The following PRKCE variants were observed in gnomAD, a reference collection of about 807,000 sequenced individuals.
PRKCE encodes protein kinase C epsilon, also known as protein kinase C epsilon type.
Under a neutral mutation model 85.4 loss-of-function variants are expected in PRKCE, and 16 were observed. The ratio of observed to expected loss-of-function variants is 0.19; its 90% CI spans 0.13 to 0.28. The LOEUF (loss-of-function observed/expected upper bound fraction) is 0.28, where lower values mean the gene tolerates loss of function less well. PRKCE is among the 10% of genes least tolerant of loss of function. PRKCE has a pLI of 1.00. For synonymous variants in PRKCE, 388 were observed against 371.5 expected (o/e 1.04, Z -0.51); for missense variants, 573 against 975.2 (o/e 0.59, Z 5.49).
At chr2:45,759,434 G>A (rs982882945) in intron 1 of PRKCE, among the ~76,000 whole-genome samples, 2 of 152,142 alleles carry the variant, frequency 1.3e-5, no homozygotes, top group African/African-American at 2.4e-5. Context: ...GAACGAGCTC[G>A]GCCCAGCTGG....
intron 2 of PRKCE, among the ~76,000 whole-genome samples, chr2:45,915,078 G>T (rs904341124): frequency 2.2e-4 from 34 of 152,098 alleles, no homozygotes; most frequent in Non-Finnish European, 4.1e-4. Context: ...TAGTATAGTT[G>T]GGGTTTCACC....
intron 10 of PRKCE, among the ~76,000 whole-genome samples, chr2:46,069,009 G>A (rs937120649): frequency 6.6e-6 from 1 of 152,214 alleles, no homozygotes; most frequent in African/African-American, 2.4e-5. Flanking sequence ...GTGGAGTCCA[G>A]GAATTATGCT....
At chr2:45,956,222 T>C (rs1364959461) in intron 2 of PRKCE, among the ~76,000 whole-genome samples, 2 of 152,228 alleles carry the variant, frequency 1.3e-5, no homozygotes, top group African/African-American at 2.4e-5. Context: ...CTTTTCTCAA[T>C]TGAGAGATGT....
At chr2:45,729,838 C>G (rs1228683413) in intron 1 of PRKCE, among the ~76,000 whole-genome samples, 2 of 152,186 alleles carry the variant, frequency 1.3e-5, no homozygotes, top group African/African-American at 4.8e-5. Flanking sequence ...CACCTTGCCT[C>G]AAGGGGAGCA....
intron 2 of PRKCE, among the ~76,000 whole-genome samples, chr2:45,911,513 C>G (rs1697380439): frequency 6.6e-6 from 1 of 152,242 alleles, no homozygotes; most frequent in Non-Finnish European, 1.5e-5. Context: ...TCCCTTTCCC[C>G]TGAACCCTAG....
chr2:45,831,448 A>G (rs1363648303), intron 1 of PRKCE, among the ~76,000 whole-genome samples: 1 of 152,232 alleles, frequency 6.6e-6, no homozygotes, highest in Non-Finnish European at 1.5e-5. Flanking sequence ...TGGAAGCACT[A>G]ATGTCCTCTG....
chr2:45,917,418 C>T (rs973978002), intron 2 of PRKCE, among the ~76,000 whole-genome samples: 2 of 152,014 alleles, frequency 1.3e-5, no homozygotes, highest in African/African-American at 4.8e-5. Flanking sequence ...CTGCAAGGCC[C>T]CACCAGAGTA....
chr2:45,771,692 C>G (rs1685341301), intron 1 of PRKCE, among the ~76,000 whole-genome samples: 1 of 137,794 alleles, frequency 7.3e-6, no homozygotes, highest in East Asian at 2.3e-4. Flanking sequence ...AGTGACTCTA[C>G]AGAGTGGGGC....
intron 2 of PRKCE, among the ~76,000 whole-genome samples, chr2:45,956,750 C>T (rs1220744894): frequency 2.0e-5 from 3 of 152,152 alleles, no homozygotes. Context: ...GTATTCTGAC[C>T]AGCAATGCAT....
chr2:46,128,635 T>A (rs1674105410), intron 11 of PRKCE, among the ~76,000 whole-genome samples: 1 of 152,252 alleles, frequency 6.6e-6, no homozygotes, highest in African/African-American at 2.4e-5. Flanking sequence ...AGGAGCTCCC[T>A]GTTTTGGTAA....
At chr2:45,937,850 A>G (rs1341030697) in intron 2 of PRKCE, among the ~76,000 whole-genome samples, 1 of 152,182 alleles carries the variant, frequency 6.6e-6, no homozygotes, top group African/African-American at 2.4e-5. Context: ...GAAGGTAGAT[A>G]TTATCCTCCC....
intron 10 of PRKCE, among the ~76,000 whole-genome samples, chr2:46,013,187 C>T (rs1574226377): frequency 6.6e-6 from 1 of 152,180 alleles, no homozygotes; most frequent in South Asian, 2.1e-4. Flanking sequence ...AAACCTTCAA[C>T]TTAACTTTTT....
chr2:45,946,675 G>T (rs1272618397), intron 2 of PRKCE, among the ~76,000 whole-genome samples: 1 of 152,182 alleles, frequency 6.6e-6, no homozygotes, highest in Admixed American at 6.5e-5. Context: ...TGAATTAAAA[G>T]CCAGAGGAAC....
At chr2:45,918,159 G>A (rs917367384) in intron 2 of PRKCE, among the ~76,000 whole-genome samples, 3 of 152,218 alleles carry the variant, frequency 2.0e-5, no homozygotes, top group Non-Finnish European at 2.9e-5. Flanking sequence ...CTCAAATGCC[G>A]CCAGAGTGGG....
intron 11 of PRKCE, among the ~76,000 whole-genome samples, chr2:46,118,510 A>G (rs146023527): frequency 8.5e-5 from 13 of 152,324 alleles, no homozygotes; most frequent in African/African-American, 3.1e-4. Flanking sequence ...AATATTATCC[A>G]AAAAATGCAG....
intron 10 of PRKCE, among the ~76,000 whole-genome samples, chr2:46,074,927 C>T (rs535037393): frequency 1.1e-4 from 17 of 152,310 alleles, no homozygotes; most frequent in African/African-American, 3.6e-4. Flanking sequence ...CGTGGGGAAT[C>T]GCCTGAGCTC....
chr2:45,824,411 G>A (rs138166594), intron 1 of PRKCE, among the ~76,000 whole-genome samples: 1 of 152,310 alleles, frequency 6.6e-6, no homozygotes, highest in East Asian at 1.9e-4. Context: ...GACCAGGGAA[G>A]CAGCTCGGGG....
chr2:45,706,519 G>A (rs1275883743), intron 1 of PRKCE, among the ~76,000 whole-genome samples: 3 of 152,220 alleles, frequency 2.0e-5, no homozygotes, highest in East Asian at 3.8e-4. Context: ...TGTCTGAGAA[G>A]ACTGGGCTCT....
chr2:46,085,244 A>G (rs1206238996), intron 10 of PRKCE, among the ~76,000 whole-genome samples: 1 of 152,104 alleles, frequency 6.6e-6, no homozygotes. Context: ...GGCCGTTCTG[A>G]GGGCTGCCTT....
Sources: allele counts gnomAD v4.1 joint callset (sites outside exome capture counted in the v4.1 genomes callset), GRCh38; gene constraint gnomAD v4.1.1; transcripts MANE v1.5; gene names NCBI Gene and HGNC (gene_info 2026-07-23, HGNC 2026-07-21).